ABAT: variants seen among roughly 807,000 people sequenced by gnomAD.
ABAT encodes the protein 4-aminobutyrate aminotransferase, mitochondrial.
A neutral mutation model predicts 64.6 loss-of-function variants in ABAT; 45 were observed. The ratio of observed to expected loss-of-function variants is 0.70; its 90% CI spans 0.55 to 0.89. ABAT has a LOEUF of 0.89. Among genes scored for constraint, ABAT ranks in the 40% least tolerant of loss-of-function variants. The pLI is 0.00. For missense variants in ABAT, 633 were observed against 658.4 expected (o/e 0.96, Z 0.42); for synonymous variants, 297 against 250.5 (o/e 1.19, Z -1.75).
chr16:8,735,594 T>G (rs2058899595), intron 1 of ABAT, 105 bp from the exon 2 acceptor site: 2 of 959,492 alleles, frequency 2.1e-6, no homozygotes, highest in Non-Finnish European at 1.6e-6. Flanking sequence ...TTTGACAATG[T>G]CAGAAGAACT....
intron 1 of ABAT, among the ~76,000 whole-genome samples, chr16:8,677,093 A>C (rs2057221844): frequency 6.6e-6 from 1 of 152,180 alleles, no homozygotes; most frequent in Admixed American, 6.5e-5. Context: ...GAGACCTCTT[A>C]TCTGGGTCGA....
chr16:8,768,454 A>T (rs1033470120), intron 10 of ABAT, among the ~76,000 whole-genome samples, 198 bp downstream of exon 10: 2 of 152,144 alleles, frequency 1.3e-5, no homozygotes, highest in African/African-American at 2.4e-5. Context: ...TTCCAAGGCT[A>T]TTCAGTGACA....
At chr16:8,726,079 G>C (rs6497565) in intron 1 of ABAT, among the ~76,000 whole-genome samples, 123,774 of 151,838 alleles carry the variant, frequency 0.82, 50,683 homozygotes, top group Non-Finnish European at 0.83. Flanking sequence ...CATTCAACCC[G>C]CCACTACCCT....
chr16:8,764,858 C>CACAT lies in ABAT; in HGVS notation c.540+31_540+32insTACA, dbSNP rs1374207235. On this transcript the variant is annotated intron_variant, in intron 8 of 15. Transcript: ENST00000268251. The surrounding 1 kb of genome is among the most constrained non-coding windows in gnomAD (Gnocchi z 4.2). ...GAGGTTTGGGGCACACACACACACA[C>CACAT]ACACACAGGCTCCCCAGCACCCAGC... 1 of 1,580,912 alleles carries CACAT rather than the reference C, an allele frequency of 6.3e-7. No homozygotes were observed. Among genetic ancestry groups the CACAT allele is most frequent in the South Asian group, 1.1e-5 (1 of 90,294 alleles).
chr16:8,724,395 C>T (rs1487878121), intron 1 of ABAT, among the ~76,000 whole-genome samples: 9 of 152,138 alleles, frequency 5.9e-5, no homozygotes, highest in Admixed American at 1.3e-4. Flanking sequence ...AGCACTGGCA[C>T]GTGTTGTAAC....
At chr16:8,748,060 G>A in intron 3 of ABAT, 48 bp from the exon 4 acceptor site, 1 of 1,578,054 alleles carries the variant, frequency 6.3e-7, no homozygotes, top group South Asian at 1.1e-5. Context: ...AAGCTATTTT[G>A]GCAAGAGTGT....
intron 1 of ABAT, among the ~76,000 whole-genome samples, chr16:8,721,509 G>A (rs1322487617): frequency 6.6e-6 from 1 of 152,210 alleles, no homozygotes; most frequent in African/African-American, 2.4e-5. Context: ...GTCAGGTGCA[G>A]CCAACGCTAG....
At position 8,674,675 on chromosome 16, in the gene ABAT, C is replaced by A. The variant is rs2057151509; in HGVS notation, c.-78C>A. 6.6e-6 allele frequency: 1 copy of A among 152,288 alleles called. No individual in the cohort carries two copies. Among genetic ancestry groups the A allele is most frequent in the Non-Finnish European group, 1.5e-5 (1 of 68,078 alleles). The allele number at this position is 152,288 out of a possible 1,614,324, so 9.4% of individuals were successfully genotyped here. ...GCGCATCCCGCAAGTCGGAACCCGG[C>A]GGATCGGATCCCGCAGATCGGAGAC... is the stretch of plus-strand genomic sequence containing the variant. On this transcript the variant is annotated 5_prime_UTR_variant, in exon 1 of 16. Coordinates refer to ENST00000268251, the MANE Select transcript of ABAT (RefSeq NM_020686.6).
intron 1 of ABAT, among the ~76,000 whole-genome samples, chr16:8,703,659 T>C (rs2057876509): frequency 1.3e-5 from 2 of 152,202 alleles, no homozygotes; most frequent in African/African-American, 2.4e-5. Flanking sequence ...CTTGGGTCTG[T>C]GTCCGTTCTC....
chr16:8,758,994 T>C (rs1268367587), intron 6 of ABAT, among the ~76,000 whole-genome samples: 1 of 151,890 alleles, frequency 6.6e-6, no homozygotes, highest in African/African-American at 2.4e-5. Context: ...CTCAGCTACT[T>C]GGGAGGCTGA....
Position 8,783,247 on chromosome 16 carries a change from G to A in ABAT, c.*1817G>A, listed in dbSNP as rs1181362603. ...ATAGCTGCACCATCCCAGGCCCTGT[G>A]CGGAGCATCGGGAATACAAAGATGA... On this transcript the variant is annotated 3_prime_UTR_variant, in exon 16 of 16. Transcript: ENST00000268251. 3 of 152,032 alleles carry A rather than the reference G, an allele frequency of 2.0e-5. No homozygotes were observed. The highest frequency in any genetic ancestry group is 2.9e-5 in the Non-Finnish European group (2 of 68,020). 9.4% of individuals were successfully genotyped at this position (152,032 alleles called of 1,614,324 possible).
chr16:8,680,620 G>T (rs1402788516), intron 1 of ABAT, among the ~76,000 whole-genome samples: 1 of 152,092 alleles, frequency 6.6e-6, no homozygotes, highest in African/African-American at 2.4e-5. Context: ...TAGAGACGGG[G>T]TTTCACCATG....
At chr16:8,779,710 G>C in intron 15 of ABAT, 120 bp downstream of exon 15, 1 of 768,774 alleles carries the variant, frequency 1.3e-6, no homozygotes, top group Non-Finnish European at 2.3e-6. Context: ...ACACAGGTCT[G>C]AAAAGAGCCT....
chr16:8,718,551 T>C (rs1037953137), intron 1 of ABAT, among the ~76,000 whole-genome samples: 1 of 152,126 alleles, frequency 6.6e-6, no homozygotes, highest in Admixed American at 6.6e-5. Flanking sequence ...TTTGAGCACC[T>C]ACAATAGCCA....
chr16:8,693,091 G>A (rs1429977802), intron 1 of ABAT, among the ~76,000 whole-genome samples: 2 of 152,122 alleles, frequency 1.3e-5, no homozygotes. Flanking sequence ...ATGACCTCAG[G>A]TGATCCACCT....
At position 8,764,860 on chromosome 16, in the gene ABAT, C is replaced by CAG; in HGVS notation, c.540+31_540+32insGA. 6.4e-7 allele frequency: 1 copy of CAG among 1,573,400 alleles called. No homozygotes were observed. The highest frequency in any genetic ancestry group is 1.1e-5 in the South Asian group (1 of 90,184). On this transcript the variant is annotated intron_variant, in intron 8 of 15. Coordinates refer to ENST00000268251, the MANE Select transcript of ABAT (RefSeq NM_020686.6). The surrounding 1 kb of genome is among the most constrained non-coding windows in gnomAD (Gnocchi z 4.2). ...GGTTTGGGGCACACACACACACACACACACAGGCTCCCCAGCACCCAGCCA... is the reference window on the plus strand; with the variant it reads ...GGTTTGGGGCACACACACACACACACAGACACAGGCTCCCCAGCACCCAGCCA...
At chr16:8,765,335 C>CAA (rs143330523) in intron 8 of ABAT, among the ~76,000 whole-genome samples, 3 of 134,178 alleles carry the variant, frequency 2.2e-5, no homozygotes, top group Non-Finnish European at 3.2e-5. Flanking sequence ...GACCCTGTCT[C>CAA]AAAAAAAAAA....
At chr16:8,701,031 G>A (rs571412480) in intron 1 of ABAT, among the ~76,000 whole-genome samples, 12 of 150,404 alleles carry the variant, frequency 8.0e-5, no homozygotes, top group Non-Finnish European at 1.3e-4. Flanking sequence ...TCTGCTACCC[G>A]GATTCAAGCA....
At chr16:8,709,845 A>C (rs2058030238) in intron 1 of ABAT, among the ~76,000 whole-genome samples, 2 of 149,490 alleles carry the variant, frequency 1.3e-5, no homozygotes, top group Admixed American at 6.7e-5. Flanking sequence ...TTTTTGAGAC[A>C]GGCTCTCACT....
Sources: gnomAD v4.1 joint callset for allele counts (sites outside exome capture counted in the v4.1 genomes callset) on GRCh38, gnomAD v4.1.1 for gene constraint, Gnocchi (gnomAD v3.1) non-coding constraint, MANE v1.5 for transcripts, NCBI Gene and HGNC (gene_info 2026-07-23, HGNC 2026-07-21) for gene names.